MEI1: variants seen among roughly 807,000 people sequenced by gnomAD.
MEI1 encodes meiosis inhibitor protein 1.
A neutral mutation model predicts 146.2 loss-of-function variants in MEI1; 103 were observed. The observed-to-expected ratio is 0.70, with a 90% CI of 0.60 to 0.83. The LOEUF (loss-of-function observed/expected upper bound fraction) is 0.83, where lower values mean the gene tolerates loss of function less well. Among genes scored for constraint, MEI1 ranks in the 40% least tolerant of loss-of-function variants. MEI1 has a pLI of 0.00. For missense variants in MEI1, 1,529 were observed against 1,533.0 expected, an observed-to-expected ratio of 1.00 and a Z score of 0.04; for synonymous variants, 652 against 628.2, an observed-to-expected ratio of 1.04 and a Z score of -0.57.
intron 7 of MEI1, among the ~76,000 whole-genome samples, chr22:41,728,618 A>T (rs2071570223): frequency 6.6e-6 from 1 of 152,212 alleles, no homozygotes; most frequent in South Asian, 2.1e-4. Flanking sequence ...TAATCCCAGC[A>T]TTTGGGGAGG....
chr22:41,732,407 T>A (rs1297877972), intron 10 of MEI1, 62 bp from the exon 11 acceptor site: 1 of 1,613,558 alleles, frequency 6.2e-7, no homozygotes, highest in African/African-American at 1.3e-5. Flanking sequence ...AAGTGGGCTT[T>A]CACTCCTGGT....
At chr22:41,791,782 A>G (rs2076192368) in intron 26 of MEI1, among the ~76,000 whole-genome samples, 2 of 152,226 alleles carry the variant, frequency 1.3e-5, no homozygotes, top group South Asian at 4.1e-4. Context: ...CAAATTGTAT[A>G]TCCATACAAT....
intron 18 of MEI1, among the ~76,000 whole-genome samples, chr22:41,758,796 A>T (rs1466207731): frequency 6.6e-6 from 1 of 152,222 alleles, no homozygotes; most frequent in Non-Finnish European, 1.5e-5. Context: ...TCCACAGAAA[A>T]AAACTTCAGT....
At chr22:41,776,549 C>T (rs2075445429) in intron 21 of MEI1, among the ~76,000 whole-genome samples, 2 of 152,280 alleles carry the variant, frequency 1.3e-5, no homozygotes, top group Admixed American at 6.5e-5. Flanking sequence ...TGTTGTTTGT[C>T]ACAAGCATGG....
rs763156637 is a variant in MEI1, at chr22:41,763,312, A to G, written c.2259A>G (p.Thr753=). Residue 753 remains threonine (T), a synonymous_variant, in exon 19 of 31, where the codon ACA becomes ACG. Coordinates refer to ENST00000401548, the MANE Select transcript of MEI1 (RefSeq NM_152513.4). Reference sequence around the variant, plus strand: ...CAATCTGCCAGGACAAAGACAATACACTACGTGAGGTATGGACCACAATGC... The same window carrying G: ...CAATCTGCCAGGACAAAGACAATACGCTACGTGAGGTATGGACCACAATGC... The part of the protein sequence containing the change: ...LLAICQDKDN[T]LRETMVSAIR... 20 of 1,613,752 alleles carry G rather than the reference A, an allele frequency of 1.2e-5. No homozygotes were observed. In the South Asian group the frequency reaches 1.4e-4, roughly 12 times the overall value.
At chr22:41,709,285 A>G (rs1015076809) in intron 3 of MEI1, 7 of 821,522 alleles carry the variant, frequency 8.5e-6, no homozygotes, top group Middle Eastern at 2.9e-4. Flanking sequence ...CATTTTCTGC[A>G]GGGTTATTCC....
chr22:41,750,004 C>G (rs2073640625), intron 15 of MEI1, among the ~76,000 whole-genome samples: 1 of 152,142 alleles, frequency 6.6e-6, no homozygotes, highest in Non-Finnish European at 1.5e-5. Context: ...AGGGAGAGAT[C>G]TGGGATTTAG....
chr22:41,758,507 C>T lies in MEI1; in HGVS notation c.2094C>T (p.Phe698=), dbSNP rs528830031. The change falls in exon 18 of 31, where the codon TTC becomes TTT. Residue 698 remains phenylalanine (F), a synonymous_variant. Coordinates refer to ENST00000401548, the MANE Select transcript of MEI1 (RefSeq NM_152513.4). The part of the protein sequence containing the change: ...RQRQYCILLL[F]YLAYIHEDRF... ...GACAGTACTGCATCCTGCTCCTCTT[C>T]TACTTGGCCTACATCCATGAAGACA... is the stretch of plus-strand genomic sequence containing the variant. 40 of 1,613,382 alleles carry T rather than the reference C, an allele frequency of 2.5e-5. 1 individual carries two copies. The South Asian group carries it at 3.7e-4, about 15-fold the overall frequency.
intron 22 of MEI1, 46 bp downstream of exon 22, chr22:41,778,858 G>A (rs751969144): frequency 3.6e-5 from 48 of 1,327,232 alleles, no homozygotes; most frequent in East Asian, 4.9e-5. Context: ...AGGGCTGGAC[G>A]TGCAGTGGGT....
rs528215587 is a variant in MEI1, at chr22:41,763,317, G to A, written c.2264G>A (p.Arg755His). ...TGCCAGGACAAAGACAATACACTAC[G>A]TGAGGTATGGACCACAATGCCTGGG... is the stretch of plus-strand genomic sequence containing the variant. The part of the protein sequence containing the change: ...AICQDKDNTL[R>H]ETMVSAIRKF... Residue 755 changes from arginine (R) to histidine (H), a missense_variant, in exon 19 of 31, where the codon CGT becomes CAT. This residue lies in a region of MEI1 where 1,212 missense variants were observed against 1,178.9 expected (regional missense o/e 1.03). Coordinates refer to ENST00000401548, the MANE Select transcript of MEI1 (RefSeq NM_152513.4). 6.2e-6 allele frequency: 10 copies of A among 1,613,808 alleles called. No individual in the cohort carries two copies. The highest frequency in any genetic ancestry group is 3.3e-4 in the Middle Eastern group (2 of 6,062).
intron 1 of MEI1, among the ~76,000 whole-genome samples, chr22:41,702,658 C>T (rs2068798918): frequency 6.6e-6 from 1 of 151,892 alleles, no homozygotes; most frequent in Non-Finnish European, 1.5e-5. Flanking sequence ...TTGGTCAGGC[C>T]AGTCTCGAAC....
intron 15 of MEI1, among the ~76,000 whole-genome samples, chr22:41,750,156 A>C (rs73161399): frequency 0.016 from 2,477 of 152,316 alleles, 49 homozygotes; most frequent in Admixed American, 0.059. Flanking sequence ...CTGACTCCTC[A>C]GTGGGGATCA....
At chr22:41,779,060 C>T (rs2148129335) in intron 22 of MEI1, among the ~76,000 whole-genome samples, 1 of 152,186 alleles carries the variant, frequency 6.6e-6, no homozygotes, top group Middle Eastern at 3.4e-3. Flanking sequence ...GGGGGGTGCT[C>T]ATGCCTGTAA....
In MEI1 at chr22:41,780,576, C is replaced by CTTTTTT. The variant is rs150215660; in HGVS notation, c.2816-704_2816-703insTTTTTT. ...GATGAACTTTGAGCTGAATTTTTTT[C>CTTTTTT]TTTTCTTTTTTTTTTTTTTTTTGAG... On this transcript the variant is annotated intron_variant, in intron 22 of 30. Transcript: ENST00000401548. 3.3e-5 allele frequency among the ~76,000 whole-genome samples: 4 copies of CTTTTTT among 121,538 alleles called. 2 individuals carry two copies. The highest frequency in any genetic ancestry group is 3.5e-5 in the Non-Finnish European group (2 of 56,750). 79.7% of individuals were successfully genotyped at this position (121,538 alleles called of 152,430 possible).
At position 41,787,584 on chromosome 22, in the gene MEI1, A is replaced by C. The variant is rs571524537; in HGVS notation, c.3345+2801A>C. 2.6e-5 allele frequency among the ~76,000 whole-genome samples: 4 copies of C among 152,310 alleles called. No individual in the cohort carries two copies. In the East Asian group the frequency reaches 7.7e-4, roughly 29 times the overall value. ...CTGCCCTGATGGCACAGTAGATCTT[A>C]AGCTAGTATCTTGCCTGCTAGATAA... On this transcript the variant is annotated intron_variant, in intron 26 of 30. Transcript: ENST00000401548.
intron 18 of MEI1, among the ~76,000 whole-genome samples, chr22:41,762,509 G>A (rs2074558552): frequency 6.6e-6 from 1 of 151,592 alleles, no homozygotes; most frequent in Non-Finnish European, 1.5e-5. Flanking sequence ...CATGTAGCTG[G>A]GACTATAGGC....
chr22:41,744,919 T>G, intron 12 of MEI1, 54 bp from the exon 13 acceptor site: 2 of 1,147,250 alleles, frequency 1.7e-6, no homozygotes, highest in Non-Finnish European at 2.4e-6. Context: ...AAGCATAGAC[T>G]GAGACACAGC....
intron 22 of MEI1, among the ~76,000 whole-genome samples, chr22:41,780,162 A>C (rs2075680251): frequency 6.6e-6 from 1 of 152,348 alleles, no homozygotes; most frequent in South Asian, 2.1e-4. Context: ...CTCAGCCTTC[A>C]GAAGAGCCTC....
Position 41,716,032 on chromosome 22 carries a change from T to C in MEI1, c.424-9T>C, listed in dbSNP as rs756622630. On this transcript the variant is annotated splice_polypyrimidine_tract_variant and intron_variant, in intron 4 of 30. Transcript: ENST00000401548. ...AATTGACAGAATGGAGCATATTCAC[T>C]TTCTGTAGCTGTGTAACATGCCCTC... The C allele has an allele frequency of 2.5e-6, 4 of 1,595,438 alleles. No individual in the cohort carries two copies. Among genetic ancestry groups the C allele is most frequent in the Non-Finnish European group, 2.6e-6 (3 of 1,168,714 alleles).
Sources: allele counts gnomAD v4.1 joint callset (sites outside exome capture counted in the v4.1 genomes callset), GRCh38; gene constraint gnomAD v4.1.1; regional missense constraint gnomAD v4.1.1; transcripts MANE v1.5; gene names NCBI Gene and HGNC (gene_info 2026-07-23, HGNC 2026-07-21).